The following PLCL2 variants were observed in gnomAD, a reference collection of about 807,000 sequenced individuals.
PLCL2 encodes phospholipase C like 2.
In PLCL2, 4 loss-of-function variants were observed where a neutral mutation model predicts 79.6. The observed-to-expected ratio is 0.05, with a 90% CI of 0.02 to 0.11. PLCL2 has a LOEUF of 0.11. PLCL2 is among the 10% of genes least tolerant of loss of function. PLCL2 has a pLI of 1.00. For synonymous variants in PLCL2, 484 were observed against 457.7 expected, an observed-to-expected ratio of 1.06 and a Z score of -0.73; for missense variants, 895 against 1,291.0, an observed-to-expected ratio of 0.69 and a Z score of 4.70.
chr3:16,924,000 A>T (rs1445519125), intron 1 of PLCL2, among the ~76,000 whole-genome samples: 7 of 152,178 alleles, frequency 4.6e-5, no homozygotes. Context: ...GTTTGGTAAG[A>T]CATCATTCTC....
At position 16,957,706 on chromosome 3, in the gene PLCL2, G is replaced by A. The variant is rs1199196898; in HGVS notation, c.328-51968G>A. Among the ~76,000 whole-genome samples, 5 of 152,060 alleles carry A rather than the reference G, an allele frequency of 3.3e-5. No individual in the cohort carries two copies. In the East Asian group the frequency reaches 9.6e-4, roughly 29 times the overall value. On this transcript the variant is annotated intron_variant, in intron 1 of 5. Coordinates refer to ENST00000615277, the MANE Select transcript of PLCL2 (RefSeq NM_001144382.2). ...ACTGAGGACTTGCTTTATGAATCTG[G>A]GTGCTCCTGTATTGGGGGCATATAT...
intron 1 of PLCL2, among the ~76,000 whole-genome samples, chr3:16,984,102 C>T (rs1409687488): frequency 6.6e-6 from 1 of 151,498 alleles, no homozygotes; most frequent in Non-Finnish European, 1.5e-5. Context: ...GGTTCATGAA[C>T]GCGTGGAGGG....
chr3:16,977,756 T>C (rs1429688745), intron 1 of PLCL2, among the ~76,000 whole-genome samples: 5 of 152,200 alleles, frequency 3.3e-5, no homozygotes, highest in African/African-American at 9.7e-5. Flanking sequence ...CAGGCCACCA[T>C]TACAAAATAT....
intron 3 of PLCL2, among the ~76,000 whole-genome samples, chr3:17,026,134 A>G (rs2064514938): frequency 6.6e-6 from 1 of 152,228 alleles, no homozygotes; most frequent in African/African-American, 2.4e-5. Context: ...AGCTGATTTT[A>G]CTACCAGACG....
intron 3 of PLCL2, among the ~76,000 whole-genome samples, chr3:17,020,612 A>G (rs2064439730): frequency 6.6e-6 from 1 of 152,162 alleles, no homozygotes; most frequent in Non-Finnish European, 1.5e-5. Flanking sequence ...TAATTAAGAA[A>G]GCATACTCTG....
At chr3:17,069,072 T>C (rs2065037129) in intron 5 of PLCL2, among the ~76,000 whole-genome samples, 1 of 152,158 alleles carries the variant, frequency 6.6e-6, no homozygotes, top group African/African-American at 2.4e-5. Context: ...TAAAAAGGCC[T>C]ACATATTATA....
chr3:17,057,477 A>C (rs1382987683), intron 4 of PLCL2, among the ~76,000 whole-genome samples: 1 of 152,198 alleles, frequency 6.6e-6, no homozygotes, highest in Non-Finnish European at 1.5e-5. Context: ...CTGAAGTATT[A>C]GTTTAGGAAG....
Position 17,090,268 on chromosome 3 carries a change from T to A in PLCL2, c.*356T>A. ...GGAAATGGATTGGATTGTCAAATTA[T>A]TATTTATTGGAGAAAAAAACCTGAT... On this transcript the variant is annotated 3_prime_UTR_variant, in exon 6 of 6. Transcript: ENST00000615277. The A allele has an allele frequency of 6.1e-6, 6 of 986,450 alleles. No individual in the cohort carries two copies. Among genetic ancestry groups the A allele is most frequent in the Non-Finnish European group, 7.2e-6 (6 of 829,420 alleles). The allele number at this position is 986,450 out of a possible 1,614,324, so 61.1% of individuals were successfully genotyped here.
intron 1 of PLCL2, among the ~76,000 whole-genome samples, chr3:16,967,028 G>C (rs558808029): frequency 2.2e-4 from 33 of 152,032 alleles, no homozygotes; most frequent in Admixed American, 2.0e-3. Flanking sequence ...GCAGTATTTG[G>C]TTTTCCTGCA....
chr3:16,916,264 G>A (rs78531077), intron 1 of PLCL2, among the ~76,000 whole-genome samples: 1,854 of 152,262 alleles, frequency 0.012, 46 homozygotes, highest in African/African-American at 0.042. Flanking sequence ...TGTTGCTTTT[G>A]AGCTGGTAGT....
At position 16,995,415 on chromosome 3, in the gene PLCL2, C is replaced by G. The variant is rs9815788; in HGVS notation, c.328-14259C>G. ...ATTTGTTCTGTCTGCAGCCCAGGAA[C>G]GTGCACTCTCAGGCCGCAGGGCCTT... is the stretch of plus-strand genomic sequence containing the variant. On this transcript the variant is annotated intron_variant, in intron 1 of 5. Transcript: ENST00000615277. Among the ~76,000 whole-genome samples the G allele has an allele frequency of 7.4e-3, 1,132 of 152,224 alleles. 15 individuals are homozygous for G. The highest frequency in any genetic ancestry group is 0.026 in the African/African-American group (1,061 of 41,552).
intron 1 of PLCL2, among the ~76,000 whole-genome samples, chr3:16,953,971 A>G (rs950444260): frequency 6.6e-6 from 1 of 152,168 alleles, no homozygotes; most frequent in East Asian, 1.9e-4. Flanking sequence ...TGTTTCACAC[A>G]ATATTAAGAT....
chr3:16,997,073 C>T (rs186826255), intron 1 of PLCL2, among the ~76,000 whole-genome samples: 2 of 152,274 alleles, frequency 1.3e-5, no homozygotes, highest in Admixed American at 6.5e-5. Flanking sequence ...ATATACCTTA[C>T]ATAAACAGTT....
chr3:16,898,345 A>C (rs886760903), intron 1 of PLCL2, among the ~76,000 whole-genome samples: 1 of 152,176 alleles, frequency 6.6e-6, no homozygotes, highest in East Asian at 1.9e-4. Flanking sequence ...ATATTTACCA[A>C]GTGAAGAATA....
At chr3:16,888,928 C>G (rs957555566) in intron 1 of PLCL2, among the ~76,000 whole-genome samples, 2 of 152,058 alleles carry the variant, frequency 1.3e-5, no homozygotes, top group Non-Finnish European at 2.9e-5. Context: ...GAACTTTGAC[C>G]AATACATTCA....
In PLCL2 at chr3:17,090,133, T is replaced by C. The variant is rs1559295278; in HGVS notation, c.*221T>C. ...GGCAATTATATTGCTGGCCAAAATA[T>C]GCTATATTTGTATACAAAGACATTC... On this transcript the variant is annotated 3_prime_UTR_variant, in exon 6 of 6. Transcript: ENST00000615277. 3.2e-6 allele frequency: 4 copies of C among 1,250,040 alleles called. No individual in the cohort carries two copies. In the South Asian group the frequency reaches 9.1e-5, roughly 28 times the overall value. 77.4% of individuals were successfully genotyped at this position (1,250,040 alleles called of 1,614,324 possible).
chr3:16,927,705 TC>T (rs1489535178), intron 1 of PLCL2, among the ~76,000 whole-genome samples: 4 of 149,402 alleles, frequency 2.7e-5, no homozygotes, highest in African/African-American at 4.9e-5. Context: ...AGTGCAGGGT[TC>T]CCCCTACCTG....
At position 16,886,095 on chromosome 3, in the gene PLCL2, GT is replaced by G. The variant is rs1195411033; in HGVS notation, c.327+733del. Among the ~76,000 whole-genome samples, 1 of 152,124 alleles carries G rather than the reference GT, an allele frequency of 6.6e-6. No homozygotes were observed. Among genetic ancestry groups the G allele is most frequent in the Non-Finnish European group, 1.5e-5 (1 of 68,030 alleles). On this transcript the variant is annotated intron_variant, in intron 1 of 5. Transcript: ENST00000615277. This position sits in a 1 kb window ranked among gnomAD's most constrained non-coding sequence, Gnocchi z 4.2. ...TGTTAGCGGAAGAAAGCCAGCGATT[GT>G]TTTGAGCATTTTAAACTCAAGAAGT...
chr3:16,974,578 A>G (rs1189973645), intron 1 of PLCL2, among the ~76,000 whole-genome samples: 3 of 152,174 alleles, frequency 2.0e-5, no homozygotes, highest in African/African-American at 7.2e-5. Context: ...AACAAAAAGA[A>G]ATGTCCAGGA....
Sources: gnomAD v4.1 joint callset for allele counts (sites outside exome capture counted in the v4.1 genomes callset) on GRCh38, gnomAD v4.1.1 for gene constraint, Gnocchi (gnomAD v3.1) non-coding constraint, MANE v1.5 for transcripts, NCBI Gene and HGNC (gene_info 2026-07-23, HGNC 2026-07-21) for gene names.